The following USP7 variants were observed in gnomAD, a reference collection of about 807,000 sequenced individuals.
USP7 encodes the protein ubiquitin specific peptidase 7.
USP7 carries 9 observed loss-of-function variants against 162.9 expected under a neutral mutation model. The observed-to-expected ratio is 0.06, with a 90% CI of 0.03 to 0.10. The LOEUF (loss-of-function observed/expected upper bound fraction) is 0.10. Among genes scored for constraint, USP7 ranks in the 10% least tolerant of loss-of-function variants. USP7 has a pLI of 1.00. For synonymous variants in USP7, 562 were observed against 475.9 expected, an observed-to-expected ratio of 1.18 and a Z score of -2.35; for missense variants, 715 against 1,373.7, an observed-to-expected ratio of 0.52 and a Z score of 7.58.
Position 8,915,628 on chromosome 16 carries a change from G to A in USP7, c.907-103C>T, listed in dbSNP as rs185937337. 55 of 1,057,752 alleles carry A rather than the reference G, an allele frequency of 5.2e-5. No homozygotes were observed. The East Asian group carries it at 1.1e-3, about 22-fold the overall frequency. 65.5% of individuals were successfully genotyped at this position (1,057,752 alleles called of 1,614,324 possible). A position where few individuals can be genotyped will look rare whatever the true frequency, so the allele number is the denominator to read the frequency against. On this transcript the variant is annotated intron_variant, in intron 8 of 30. Coordinates refer to ENST00000344836, the MANE Select transcript of USP7 (RefSeq NM_003470.3). ...AATATCAATGTTCAAAGAAGTTGTA[G>A]ACTATAAAAATATGACCTCTGGCAT...
chr16:8,921,902 T>A (rs39863), intron 3 of USP7, among the ~76,000 whole-genome samples: 146,985 of 152,294 alleles, frequency 0.97, 71,093 homozygotes, highest in Non-Finnish European at 1. Flanking sequence ...GTTTGCGATT[T>A]AAGTGGGGCC....
chr16:8,959,124 G>A (rs559833566), intron 1 of USP7, among the ~76,000 whole-genome samples: 5 of 152,226 alleles, frequency 3.3e-5, no homozygotes, highest in Admixed American at 6.5e-5. Flanking sequence ...TGTGCCTGGC[G>A]ATTCCAGTCT....
Position 8,895,633 on chromosome 16 carries a change from G to C in USP7, c.2919+9C>G, listed in dbSNP as rs761601357. Reference sequence around the variant, plus strand: ...TCTCTCTGGTGCCAACAGTATCGGGGACAGATACCTCTATTCGAAACGTCC... The same window carrying C: ...TCTCTCTGGTGCCAACAGTATCGGGCACAGATACCTCTATTCGAAACGTCC... On this transcript the variant is annotated intron_variant, in intron 27 of 30. Coordinates refer to ENST00000344836, the MANE Select transcript of USP7 (RefSeq NM_003470.3). 1 of 1,607,228 alleles carries C rather than the reference G, an allele frequency of 6.2e-7. No individual in the cohort carries two copies. Among genetic ancestry groups the C allele is most frequent in the African/African-American group, 1.3e-5 (1 of 74,806 alleles).
intron 1 of USP7, among the ~76,000 whole-genome samples, chr16:8,938,731 G>C (rs1031626963): frequency 1.1e-4 from 17 of 151,920 alleles, no homozygotes; most frequent in Non-Finnish European, 2.5e-4. Context: ...AAATTGGGGG[G>C]ACGGGGGAGT....
At chr16:8,905,408 T>TA in intron 13 of USP7, 77 bp from the exon 14 acceptor site, 1 of 1,566,164 alleles carries the variant, frequency 6.4e-7, no homozygotes, top group South Asian at 1.1e-5. Flanking sequence ...AGCGTTGTTC[T>TA]AAAATGTGTG....
chr16:8,898,304 G>T, intron 25 of USP7, 56 bp downstream of exon 25: 7 of 1,388,784 alleles, frequency 5.0e-6, no homozygotes, highest in South Asian at 1.2e-5. Context: ...GGGACAGGTA[G>T]AAACAATAAG....
chr16:8,900,055 CAGTGTCTTG>C, intron 21 of USP7: 1 of 465,824 alleles, frequency 2.1e-6, no homozygotes, highest in South Asian at 2.4e-5. Flanking sequence ...GACCCAGACG[CAGTGTCTTG>C]CCCACAGACC....
chr16:8,944,324 C>G (rs1246989977), intron 1 of USP7, among the ~76,000 whole-genome samples: 1 of 151,784 alleles, frequency 6.6e-6, no homozygotes, highest in African/African-American at 2.4e-5. Context: ...CGCCTGGAGT[C>G]AGGAGGAGGC....
At chr16:8,928,773 G>T (rs981260089) in intron 2 of USP7, among the ~76,000 whole-genome samples, 1 of 152,104 alleles carries the variant, frequency 6.6e-6, no homozygotes, top group Non-Finnish European at 1.5e-5. Context: ...TTCCACTTTC[G>T]GGTCCTATGG....
chr16:8,930,195 G>C, intron 2 of USP7, 98 bp downstream of exon 2: 1 of 875,734 alleles, frequency 1.1e-6, no homozygotes, highest in Non-Finnish European at 1.7e-6. Flanking sequence ...ACGCTCAGAA[G>C]TACCCAAGGA....
intron 11 of USP7, among the ~76,000 whole-genome samples, 156 bp downstream of exon 11, chr16:8,910,589 C>A (rs2061930832): frequency 6.6e-6 from 1 of 152,110 alleles, no homozygotes; most frequent in African/African-American, 2.4e-5. Context: ...TCCCCCTCTC[C>A]CTCCCCATTC....
chr16:8,945,117 G>A (rs1489541591), intron 1 of USP7, among the ~76,000 whole-genome samples: 1 of 152,218 alleles, frequency 6.6e-6, no homozygotes, highest in Non-Finnish European at 1.5e-5. Flanking sequence ...TTAGCTGGGT[G>A]TGGTGGCGGG....
intron 1 of USP7, among the ~76,000 whole-genome samples, chr16:8,942,163 A>G (rs2030814270): frequency 6.6e-6 from 1 of 152,260 alleles, no homozygotes; most frequent in South Asian, 2.1e-4. Flanking sequence ...CTTGAAGGCC[A>G]CGATAAGCAT....
At chr16:8,930,661 A>G (rs565405490) in intron 1 of USP7, among the ~76,000 whole-genome samples, 2 of 152,244 alleles carry the variant, frequency 1.3e-5, no homozygotes, top group African/African-American at 4.8e-5. Context: ...TCTGCACAAA[A>G]CTTTTTATAT....
chr16:8,901,483 G>C (rs958361130), intron 18 of USP7, among the ~76,000 whole-genome samples: 2 of 152,222 alleles, frequency 1.3e-5, no homozygotes, highest in African/African-American at 4.8e-5. Context: ...AGACAGTCAA[G>C]ACGGTACTGA....
chr16:8,895,580 A>C, intron 27 of USP7, 62 bp downstream of exon 27: 1 of 1,334,610 alleles, frequency 7.5e-7, no homozygotes, highest in East Asian at 2.3e-5. Flanking sequence ...TGTGATATTT[A>C]AATATGCAGC....
At chr16:8,936,735 A>C in intron 1 of USP7, 1 of 1,386,720 alleles carries the variant, frequency 7.2e-7, no homozygotes, top group Non-Finnish European at 9.4e-7. Flanking sequence ...TTTTTAAAGC[A>C]TCCCACAGAA....
chr16:8,957,674 C>A (rs564110984), intron 1 of USP7, among the ~76,000 whole-genome samples: 38 of 151,928 alleles, frequency 2.5e-4, no homozygotes, highest in African/African-American at 9.2e-4. Context: ...GGGAGGATCA[C>A]CTGAGCCCGG....
chr16:8,901,903 G>A (rs781264408), intron 18 of USP7, 179 bp downstream of exon 18: 1 of 616,570 alleles, frequency 1.6e-6, no homozygotes, highest in Non-Finnish European at 2.8e-6. Context: ...GGCCTCACAG[G>A]AAACTCGCAG....
Sources: allele counts gnomAD v4.1 joint callset (sites outside exome capture counted in the v4.1 genomes callset), GRCh38; gene constraint gnomAD v4.1.1; transcripts MANE v1.5; gene names NCBI Gene and HGNC (gene_info 2026-07-23, HGNC 2026-07-21).